Variants in COL4A2 observed in about 807,000 individuals in gnomAD.
COL4A2 encodes collagen type IV alpha 2 chain, also known as collagen alpha-2(IV) chain.
A neutral mutation model predicts 200.2 loss-of-function variants in COL4A2; 99 were observed. The ratio of observed to expected loss-of-function variants is 0.49; its 90% CI spans 0.42 to 0.58. The LOEUF is 0.58. COL4A2 is among the 20% of genes least tolerant of loss of function. The pLI is 0.00. For missense variants in COL4A2, 1,950 were observed against 2,314.1 expected, an observed-to-expected ratio of 0.84 and a Z score of 3.23; for synonymous variants, 897 against 900.6, an observed-to-expected ratio of 1.00 and a Z score of 0.07.
Position 110,506,614 on chromosome 13 carries a change from C to T in COL4A2, c.4594+8C>T. On this transcript the variant is annotated splice_region_variant and intron_variant, in intron 46 of 47. Coordinates refer to ENST00000360467, the MANE Select transcript of COL4A2 (RefSeq NM_001846.4). ...CGCACAACCAGGACCTGGGTAGGTACCTCCCACCCGGCCCCCGTTGCCTGC... is the reference window on the plus strand; with the variant it reads ...CGCACAACCAGGACCTGGGTAGGTATCTCCCACCCGGCCCCCGTTGCCTGC... The T allele has an allele frequency of 6.3e-7, 1 of 1,598,094 alleles. No individual in the cohort carries two copies. The highest frequency in any genetic ancestry group is 8.5e-7 in the Non-Finnish European group (1 of 1,171,418).
At chr13:110,409,515 CTGCACTCAGTTGT>C (rs1372100058) in intron 4 of COL4A2, among the ~76,000 whole-genome samples, 1 of 152,274 alleles carries the variant, frequency 6.6e-6, no homozygotes, top group Non-Finnish European at 1.5e-5. Context: ...AGCAGCACGG[CTGCACTCAGTTGT>C]TGCCTTCTAT....
At chr13:110,491,367 T>G in intron 37 of COL4A2, 27 bp downstream of exon 37, 5 of 1,481,860 alleles carry the variant, frequency 3.4e-6, no homozygotes, top group Non-Finnish European at 4.6e-6. Flanking sequence ...CCACACAGCC[T>G]TCCTCAGGCA....
intron 3 of COL4A2, among the ~76,000 whole-genome samples, chr13:110,319,026 C>T (rs553641696): frequency 1.3e-5 from 2 of 152,206 alleles, no homozygotes; most frequent in East Asian, 3.9e-4. Context: ...CTTGAAGGGC[C>T]TCTCCTGAGT....
At chr13:110,475,124 C>A (rs529017885) in intron 29 of COL4A2, among the ~76,000 whole-genome samples, 2 of 152,252 alleles carry the variant, frequency 1.3e-5, no homozygotes, top group Non-Finnish European at 2.9e-5. Context: ...AACCCTGAAC[C>A]AAGCCAGCTA....
intron 18 of COL4A2, among the ~76,000 whole-genome samples, chr13:110,448,316 T>G (rs1881404889): frequency 6.6e-6 from 1 of 152,214 alleles, no homozygotes; most frequent in Non-Finnish European, 1.5e-5. Flanking sequence ...CACCAACCCC[T>G]CCCTTCTCAC....
chr13:110,487,354 G>A (rs112038892), intron 34 of COL4A2, among the ~76,000 whole-genome samples: 47 of 152,340 alleles, frequency 3.1e-4, no homozygotes, highest in African/African-American at 9.9e-4. Flanking sequence ...TGGGGAGGCC[G>A]AGGCGGAAGA....
At chr13:110,480,148 C>T (rs749030471) in intron 30 of COL4A2, 72 bp from the exon 31 acceptor site, 14 of 1,449,626 alleles carry the variant, frequency 9.7e-6, no homozygotes, top group African/African-American at 4.3e-5. Context: ...CACTCAATGC[C>T]GTAAAAGCAG....
chr13:110,500,146 A>G (rs991746830), intron 40 of COL4A2, among the ~76,000 whole-genome samples: 1 of 152,254 alleles, frequency 6.6e-6, no homozygotes, highest in African/African-American at 2.4e-5. Context: ...AGGATCTTCC[A>G]AAGGGAAAAT....
Position 110,382,966 on chromosome 13 carries a change from T to G in COL4A2, c.180+25414T>G, listed in dbSNP as rs556785563. ...TCAGAATGGAGTTTGGCCATTTCAT[T>G]ATGAGTTATGGATATTATTGTATAA... On this transcript the variant is annotated intron_variant, in intron 4 of 47. Transcript: ENST00000360467. 2.6e-5 allele frequency among the ~76,000 whole-genome samples: 4 copies of G among 152,292 alleles called. No homozygotes were observed. The South Asian group carries it at 6.2e-4, about 24-fold the overall frequency.
At chr13:110,389,696 C>G (rs1446191231) in intron 4 of COL4A2, among the ~76,000 whole-genome samples, 1 of 152,218 alleles carries the variant, frequency 6.6e-6, no homozygotes, top group Non-Finnish European at 1.5e-5. Context: ...TCCAGGACTG[C>G]GGCTCCAAGA....
chr13:110,460,312 A>G (rs574427318), intron 22 of COL4A2, among the ~76,000 whole-genome samples: 1 of 152,316 alleles, frequency 6.6e-6, no homozygotes, highest in South Asian at 2.1e-4. Flanking sequence ...TCCATGCCCT[A>G]GGTTTTCTCA....
intron 4 of COL4A2, among the ~76,000 whole-genome samples, chr13:110,357,955 G>A (rs779365679): frequency 7.9e-5 from 12 of 152,184 alleles, no homozygotes; most frequent in African/African-American, 2.9e-4. Flanking sequence ...GGGCGTGACC[G>A]CGCACCACTG....
intron 32 of COL4A2, among the ~76,000 whole-genome samples, chr13:110,483,626 T>A (rs975527747): frequency 1.3e-5 from 2 of 152,260 alleles, no homozygotes; most frequent in African/African-American, 4.8e-5. Context: ...CCACGTGTCG[T>A]CTGACTGCAT....
intron 4 of COL4A2, among the ~76,000 whole-genome samples, chr13:110,418,444 A>G (rs1235090807): frequency 5.3e-5 from 8 of 152,226 alleles, no homozygotes; most frequent in Non-Finnish European, 7.3e-5. Flanking sequence ...CAAAGTCACA[A>G]AGATTTTCCC....
At chr13:110,372,314 A>T (rs1054517693) in intron 4 of COL4A2, among the ~76,000 whole-genome samples, 1 of 152,090 alleles carries the variant, frequency 6.6e-6, no homozygotes, top group Non-Finnish European at 1.5e-5. Context: ...GAAAATAATA[A>T]TGTTTCCGTC....
intron 3 of COL4A2, among the ~76,000 whole-genome samples, chr13:110,334,474 T>G (rs1428654281): frequency 1.3e-5 from 2 of 152,196 alleles, no homozygotes; most frequent in African/African-American, 2.4e-5. Context: ...AGAAAGAGTG[T>G]TCATGCTCAT....
intron 4 of COL4A2, among the ~76,000 whole-genome samples, chr13:110,406,111 C>T (rs1879558488): frequency 6.6e-6 from 1 of 152,178 alleles, no homozygotes; most frequent in African/African-American, 2.4e-5. Context: ...TCAAAGAAAA[C>T]ACTGCCAAAC....
At chr13:110,470,551 T>A (rs965564238) in intron 28 of COL4A2, among the ~76,000 whole-genome samples, 7 of 152,172 alleles carry the variant, frequency 4.6e-5, no homozygotes, top group African/African-American at 1.7e-4. Flanking sequence ...ACACATACTT[T>A]CTTTTAATGA....
chr13:110,372,337 G>C, intron 4 of COL4A2, among the ~76,000 whole-genome samples: 1 of 152,160 alleles, frequency 6.6e-6, no homozygotes, highest in Non-Finnish European at 1.5e-5. Flanking sequence ...TGAACACCAA[G>C]TCAGGTGACC....
Sources: gnomAD v4.1 joint callset for allele counts (sites outside exome capture counted in the v4.1 genomes callset) on GRCh38, gnomAD v4.1.1 for gene constraint, MANE v1.5 for transcripts, NCBI Gene and HGNC (gene_info 2026-07-23, HGNC 2026-07-21) for gene names.